ACTN4: variants seen among roughly 807,000 people sequenced by gnomAD.
ACTN4 encodes actinin alpha 4, also known as alpha-actinin-4.
A neutral mutation model predicts 114.2 loss-of-function variants in ACTN4; 18 were observed. The observed-to-expected ratio is 0.16, with a 90% CI of 0.11 to 0.23. The LOEUF is 0.23. ACTN4 is among the 10% of genes least tolerant of loss of function. ACTN4 has a pLI of 1.00. For missense variants in ACTN4, 722 were observed against 1,262.9 expected (o/e 0.57, Z 6.49); for synonymous variants, 515 against 506.3 (o/e 1.02, Z -0.23).
intron 13 of ACTN4, 107 bp from the exon 14 acceptor site, chr19:38,723,830 G>C (rs932249372): frequency 4.3e-5 from 63 of 1,479,198 alleles, no homozygotes; most frequent in Non-Finnish European, 5.6e-5. Flanking sequence ...CCCACGGAGA[G>C]GATGTTCTCT....
intron 16 of ACTN4, 102 bp from the exon 17 acceptor site, chr19:38,725,622 C>T (rs1176620208): frequency 1.2e-5 from 17 of 1,398,592 alleles, no homozygotes; most frequent in Admixed American, 2.0e-5. Context: ...GCCAAAGGGG[C>T]CCCGGGGAAG....
chr19:38,695,737 C>T (rs1316889447), intron 1 of ACTN4, among the ~76,000 whole-genome samples: 1 of 152,082 alleles, frequency 6.6e-6, no homozygotes, highest in Non-Finnish European at 1.5e-5. Flanking sequence ...GGAAGGTCTC[C>T]CTCATTTTTA....
chr19:38,670,730 C>G (rs183250204), intron 1 of ACTN4, among the ~76,000 whole-genome samples: 1 of 152,186 alleles, frequency 6.6e-6, no homozygotes, highest in South Asian at 2.1e-4. Context: ...TGAGACCATC[C>G]TGGCCAACAT....
intron 1 of ACTN4, among the ~76,000 whole-genome samples, chr19:38,675,775 C>T (rs1967354077): frequency 6.6e-6 from 1 of 152,182 alleles, no homozygotes; most frequent in Non-Finnish European, 1.5e-5. Context: ...AACTGAGAGG[C>T]CTCATAGAGC....
At position 38,717,006 on chromosome 19, in the gene ACTN4, T is replaced by C; in HGVS notation, c.913-80T>C. 2 of 1,447,066 alleles carry C rather than the reference T, an allele frequency of 1.4e-6. No homozygotes were observed. Among genetic ancestry groups the C allele is most frequent in the Non-Finnish European group, 1.9e-6 (2 of 1,055,472 alleles). 89.6% of individuals were successfully genotyped at this position (1,447,066 alleles called of 1,614,324 possible). On this transcript the variant is annotated intron_variant, in intron 9 of 20. Transcript: ENST00000252699. The surrounding 1 kb of genome is among the most constrained non-coding windows in gnomAD (Gnocchi z 4.0). The stretch of plus-strand genomic sequence containing the variant: ...GGGGCCCTCAAAGATCCAGATCCCA[T>C]GTGCCCATAAGCTGGGGGGCAGCCC...
chr19:38,670,931 A>C (rs1407025504), intron 1 of ACTN4, among the ~76,000 whole-genome samples: 1 of 151,520 alleles, frequency 6.6e-6, no homozygotes, highest in African/African-American at 2.4e-5. Context: ...TAAAAAAAAA[A>C]AAAAAAACCT....
At chr19:38,701,931 G>T (rs762839065) in intron 3 of ACTN4, among the ~76,000 whole-genome samples, 2 of 152,208 alleles carry the variant, frequency 1.3e-5, no homozygotes, top group African/African-American at 2.4e-5. Flanking sequence ...CCAAGACTCC[G>T]GGCCAGAATG....
At chr19:38,666,461 A>G (rs751787042) in intron 1 of ACTN4, among the ~76,000 whole-genome samples, 29 of 152,180 alleles carry the variant, frequency 1.9e-4, no homozygotes, top group Non-Finnish European at 3.5e-4. Flanking sequence ...TTTCCTGATC[A>G]GGCTGTTGAC....
At chr19:38,677,087 C>T (rs1410169625) in intron 1 of ACTN4, among the ~76,000 whole-genome samples, 3 of 152,168 alleles carry the variant, frequency 2.0e-5, no homozygotes, top group East Asian at 1.9e-4. Context: ...CTGCCCCTTT[C>T]GCCTCAGCTC....
At position 38,724,344 on chromosome 19, in the gene ACTN4, G is replaced by T. The variant is rs756015591; in HGVS notation, c.1875+5G>T. The T allele has an allele frequency of 6.2e-7, 1 of 1,613,230 alleles. No individual in the cohort carries two copies. Among genetic ancestry groups the T allele is most frequent in the Non-Finnish European group, 8.5e-7 (1 of 1,179,952 alleles). Reference sequence around the variant, plus strand: ...ATCAACTCCAAGTGGGAGAAGGTGGGCCGGGGCCATCCGTAGGGGCTGGGG... The same window carrying T: ...ATCAACTCCAAGTGGGAGAAGGTGGTCCGGGGCCATCCGTAGGGGCTGGGG... On this transcript the variant is annotated splice_donor_5th_base_variant and intron_variant, in intron 15 of 20. Transcript: ENST00000252699. The surrounding 1 kb of genome is among the most constrained non-coding windows in gnomAD (Gnocchi z 7.0).
intron 1 of ACTN4, among the ~76,000 whole-genome samples, chr19:38,663,259 T>G (rs997025331): frequency 1.3e-5 from 2 of 152,168 alleles, no homozygotes; most frequent in Non-Finnish European, 2.9e-5. Context: ...TGGGGCTTCT[T>G]GGGCCCCAGA....
intron 1 of ACTN4, among the ~76,000 whole-genome samples, chr19:38,658,050 C>T (rs1167639220): frequency 1.3e-5 from 2 of 152,114 alleles, no homozygotes; most frequent in Admixed American, 1.3e-4. Flanking sequence ...GAGTGTTAGG[C>T]CCCGGGCAGA....
At chr19:38,700,494 G>T in intron 1 of ACTN4, 106 bp from the exon 2 acceptor site, 1 of 894,274 alleles carries the variant, frequency 1.1e-6, no homozygotes, top group Non-Finnish European at 1.9e-6. Flanking sequence ...GTGCTCCGTG[G>T]CAGCTGCGGT....
intron 11 of ACTN4, among the ~76,000 whole-genome samples, chr19:38,718,789 C>T (rs1968933080): frequency 6.6e-6 from 1 of 152,220 alleles, no homozygotes; most frequent in Non-Finnish European, 1.5e-5. Flanking sequence ...CCCCCGCACC[C>T]TGTGTTCAGA....
At chr19:38,697,372 C>T (rs1349453146) in intron 1 of ACTN4, among the ~76,000 whole-genome samples, 1 of 152,252 alleles carries the variant, frequency 6.6e-6, no homozygotes, top group Non-Finnish European at 1.5e-5. Flanking sequence ...TGTACATGCA[C>T]ACACATGCGT....
chr19:38,687,717 G>A (rs1292178999), intron 1 of ACTN4, among the ~76,000 whole-genome samples: 1 of 152,070 alleles, frequency 6.6e-6, no homozygotes, highest in Non-Finnish European at 1.5e-5. Flanking sequence ...CATGACCTTG[G>A]GTTAGGCAAT....
intron 19 of ACTN4, 76 bp downstream of exon 19, chr19:38,728,102 C>T (rs1215468942): frequency 3.3e-6 from 5 of 1,507,536 alleles, no homozygotes; most frequent in Admixed American, 3.9e-5. Context: ...TTTCTCCCCT[C>T]GCCATCCCAC....
chr19:38,701,331 T>C (rs899601493), intron 3 of ACTN4, among the ~76,000 whole-genome samples: 14 of 151,996 alleles, frequency 9.2e-5, no homozygotes, highest in Non-Finnish European at 1.8e-4. Context: ...AAAAATCCGG[T>C]GGGCGCAGTC....
Position 38,729,704 on chromosome 19 carries a change from G to GATTCCCACA in ACTN4, c.*272_*273insATTCCCACA. 4 of 641,820 alleles carry GATTCCCACA rather than the reference G, an allele frequency of 6.2e-6. No homozygotes were observed. The highest frequency in any genetic ancestry group is 1.1e-5 in the Non-Finnish European group (4 of 348,584). 39.8% of individuals were successfully genotyped at this position (641,820 alleles called of 1,614,324 possible). A position where few individuals can be genotyped will look rare whatever the true frequency, so the allele number is the denominator to read the frequency against. On this transcript the variant is annotated 3_prime_UTR_variant, in exon 21 of 21. Coordinates refer to ENST00000252699, the MANE Select transcript of ACTN4 (RefSeq NM_004924.6). Reference sequence around the variant, plus strand: ...GTGTTGTGCTTTTTTAACCAAGGAGGGGCCAGTGGATTCCCACAGCACAAC... The same window carrying GATTCCCACA: ...GTGTTGTGCTTTTTTAACCAAGGAGGATTCCCACAGGCCAGTGGATTCCCACAGCACAAC...
Sources: gnomAD v4.1 joint callset for allele counts (sites outside exome capture counted in the v4.1 genomes callset) on GRCh38, gnomAD v4.1.1 for gene constraint, Gnocchi (gnomAD v3.1) non-coding constraint, MANE v1.5 for transcripts, NCBI Gene and HGNC (gene_info 2026-07-23, HGNC 2026-07-21) for gene names.